NEK11: variants seen among roughly 807,000 people sequenced by gnomAD.
NEK11 encodes the protein serine/threonine-protein kinase Nek11.
NEK11 carries 72 observed loss-of-function variants against 80.7 expected under a neutral mutation model. The observed-to-expected ratio is 0.89, with a 90% CI of 0.74 to 1.08. NEK11 has a LOEUF of 1.08. NEK11 is among the 50% of genes least tolerant of loss of function. NEK11 has a pLI of 0.00. For synonymous variants in NEK11, 251 were observed against 260.7 expected (o/e 0.96, Z 0.36); for missense variants, 764 against 763.6 (o/e 1.00, Z -0.01).
intron 5 of NEK11, among the ~76,000 whole-genome samples, chr3:131,113,722 C>A (rs2080509061): frequency 6.6e-6 from 1 of 151,874 alleles, no homozygotes. Context: ...ACTAGCCTGG[C>A]CGACATAGTG....
intron 10 of NEK11, among the ~76,000 whole-genome samples, chr3:131,161,115 C>T (rs2091499390): frequency 7.1e-6 from 1 of 141,268 alleles, no homozygotes; most frequent in Admixed American, 7.6e-5. Context: ...CGTGCCACCG[C>T]ACTGCAGCCT....
At chr3:131,110,812 C>G (rs1209425213) in intron 5 of NEK11, among the ~76,000 whole-genome samples, 2 of 152,068 alleles carry the variant, frequency 1.3e-5, no homozygotes, top group East Asian at 3.8e-4. Flanking sequence ...AAAAAGTAAT[C>G]GGATTATTCT....
At chr3:131,311,779 C>A (rs916759459) in intron 17 of NEK11, among the ~76,000 whole-genome samples, 1 of 152,128 alleles carries the variant, frequency 6.6e-6, no homozygotes, top group Non-Finnish European at 1.5e-5. Flanking sequence ...ATAGTTCTTG[C>A]AAATATTTGT....
chr3:131,138,041 C>T (rs1310566188), intron 7 of NEK11, among the ~76,000 whole-genome samples: 1 of 152,170 alleles, frequency 6.6e-6, no homozygotes, highest in Non-Finnish European at 1.5e-5. Flanking sequence ...AAGGAACCAC[C>T]TTCATAAGAA....
At chr3:131,224,611 C>T (rs1310908942) in intron 14 of NEK11, among the ~76,000 whole-genome samples, 1 of 152,022 alleles carries the variant, frequency 6.6e-6, no homozygotes, top group Non-Finnish European at 1.5e-5. Context: ...TTGGGCAGGT[C>T]CTTCGGGAGG....
At position 131,102,411 on chromosome 3, in the gene NEK11, G is replaced by A. The variant is rs143624922; in HGVS notation, c.337-7392G>A. On this transcript the variant is annotated intron_variant, in intron 4 of 17. Transcript: ENST00000383366. ...CTCAGCATCTGCTTTTCTGAGAAGGGTTTTATTTCTCCTTCACTTATGAAT... is the reference window on the plus strand; with the variant it reads ...CTCAGCATCTGCTTTTCTGAGAAGGATTTTATTTCTCCTTCACTTATGAAT... 2.6e-5 allele frequency among the ~76,000 whole-genome samples: 4 copies of A among 152,222 alleles called. No individual in the cohort carries two copies. The East Asian group carries it at 5.8e-4, about 22-fold the overall frequency.
chr3:131,038,152 AAAATT>A (rs1319263730), intron 3 of NEK11, among the ~76,000 whole-genome samples: 1 of 152,124 alleles, frequency 6.6e-6, no homozygotes, highest in Non-Finnish European at 1.5e-5. Flanking sequence ...TTTTAATACT[AAAATT>A]AATATTAAAA....
At chr3:131,195,821 A>T (rs1158583954) in intron 14 of NEK11, among the ~76,000 whole-genome samples, 1 of 95,260 alleles carries the variant, frequency 1.0e-5, no homozygotes, top group African/African-American at 6.9e-5. Context: ...TATATATATA[A>T]AATTGAAGAA....
At chr3:131,320,982 C>A (rs2096891680) in intron 17 of NEK11, among the ~76,000 whole-genome samples, 1 of 151,920 alleles carries the variant, frequency 6.6e-6, no homozygotes, top group Non-Finnish European at 1.5e-5. Flanking sequence ...AATTTTTTCA[C>A]AAAATTAGGA....
At position 131,319,759 on chromosome 3, in the gene NEK11, T is replaced by C. The variant is rs1018156064; in HGVS notation, c.1719-29798T>C. Among the ~76,000 whole-genome samples the C allele has an allele frequency of 2.0e-5, 3 of 152,270 alleles. No individual in the cohort carries two copies. The East Asian group carries it at 5.8e-4, about 29-fold the overall frequency. On this transcript the variant is annotated intron_variant, in intron 17 of 17. Coordinates refer to ENST00000383366, the MANE Select transcript of NEK11 (RefSeq NM_024800.5). ...TAAATCTCCTTCAAGGACACATACA[T>C]TCATCCTGAATCTATAACTGAACCT...
At chr3:131,228,938 G>A (rs1489435820) in intron 15 of NEK11, among the ~76,000 whole-genome samples, 1 of 152,044 alleles carries the variant, frequency 6.6e-6, no homozygotes, top group Middle Eastern at 3.2e-3. Context: ...TTGGGGGGTT[G>A]GGAGATGGCA....
intron 3 of NEK11, among the ~76,000 whole-genome samples, chr3:131,043,315 G>T (rs983146846): frequency 6.6e-6 from 1 of 152,124 alleles, no homozygotes; most frequent in Admixed American, 6.5e-5. Flanking sequence ...GAACTCCTCC[G>T]AGCTAAAGGA....
chr3:131,133,228 G>A (rs1449332175), intron 6 of NEK11: 2 of 453,622 alleles, frequency 4.4e-6, no homozygotes, highest in Non-Finnish European at 8.8e-6. Flanking sequence ...TTGATATAAT[G>A]GCTTTATTAA....
chr3:131,043,690 T>A (rs148623063), intron 3 of NEK11, among the ~76,000 whole-genome samples: 1,659 of 152,266 alleles, frequency 0.011, 15 homozygotes, highest in Non-Finnish European at 0.018. Flanking sequence ...AAAACACTCA[T>A]CAGGATATTA....
At chr3:131,271,810 G>A (rs532346087) in intron 16 of NEK11, among the ~76,000 whole-genome samples, 171 of 151,386 alleles carry the variant, frequency 1.1e-3, no homozygotes, top group African/African-American at 4.1e-3. Flanking sequence ...AAATAAAAAG[G>A]TCGGGTGTGG....
intron 7 of NEK11, among the ~76,000 whole-genome samples, chr3:131,146,693 A>G (rs1019922288): frequency 2.6e-5 from 4 of 152,082 alleles, no homozygotes; most frequent in African/African-American, 4.8e-5. Flanking sequence ...TCATAGTATA[A>G]CAAGTACTGA....
intron 12 of NEK11, among the ~76,000 whole-genome samples, chr3:131,168,127 C>T (rs2092392413): frequency 6.6e-6 from 1 of 152,208 alleles, no homozygotes; most frequent in African/African-American, 2.4e-5. Context: ...TCATTTCCCT[C>T]TGGCACATTG....
At chr3:131,202,470 C>T (rs571194900) in intron 14 of NEK11, among the ~76,000 whole-genome samples, 7 of 152,296 alleles carry the variant, frequency 4.6e-5, no homozygotes, top group East Asian at 3.9e-4. Flanking sequence ...GCAGGTCCCA[C>T]GCCCATGGAG....
rs183839741 is a variant in NEK11, at chr3:131,223,988, C to T, written c.1400-4540C>T. ...TCTAATACAGTCATACACTGCATAA[C>T]AATCTTTTGGTCAATGACAGACTGC... On this transcript the variant is annotated intron_variant, in intron 14 of 17. Transcript: ENST00000383366. 2.0e-5 allele frequency among the ~76,000 whole-genome samples: 3 copies of T among 152,242 alleles called. No individual in the cohort carries two copies. The East Asian group carries it at 5.8e-4, about 29-fold the overall frequency.
Sources: allele counts gnomAD v4.1 joint callset (sites outside exome capture counted in the v4.1 genomes callset), GRCh38; gene constraint gnomAD v4.1.1; transcripts MANE v1.5; gene names NCBI Gene and HGNC (gene_info 2026-07-23, HGNC 2026-07-21).